AGMO: variants seen among roughly 807,000 people sequenced by gnomAD.
The protein encoded by AGMO is alkylglycerol monooxygenase, also known as glyceryl-ether monooxygenase.
AGMO carries 75 observed loss-of-function variants against 60.2 expected under a neutral mutation model. The observed-to-expected ratio is 1.25, with a 90% CI of 1.03 to 1.51. The LOEUF (loss-of-function observed/expected upper bound fraction) is 1.51, where lower values mean the gene tolerates loss of function less well. Among genes scored for constraint, AGMO ranks in the 40% most tolerant of loss-of-function variants. The pLI is 0.00. For synonymous variants in AGMO, 261 were observed against 177.1 expected (o/e 1.47, Z -3.76); for missense variants, 763 against 525.5 (o/e 1.45, Z -4.42).
intron 12 of AGMO, among the ~76,000 whole-genome samples, chr7:15,349,417 G>T (rs1247200581): frequency 6.6e-6 from 1 of 152,082 alleles, no homozygotes; most frequent in Non-Finnish European, 1.5e-5. Context: ...TTTATAGGTT[G>T]AAAGGGCATG....
the AGMO span, among the ~76,000 whole-genome samples, chr7:15,183,718 A>G: frequency 2.6e-5 from 4 of 152,228 alleles, no homozygotes; most frequent in Non-Finnish European, 4.4e-5. Context: ...GAGTTAAGAC[A>G]CATGATGAAT....
intron 3 of AGMO, among the ~76,000 whole-genome samples, chr7:15,472,254 T>G (rs1045660653): frequency 1.3e-5 from 2 of 151,876 alleles, no homozygotes; most frequent in African/African-American, 4.8e-5. Context: ...TCATAAAGAC[T>G]CATGCAATGG....
Position 15,548,133 on chromosome 7 carries a change from CAGAA to C in AGMO, c.258-3214_258-3211del, listed in dbSNP as rs1251982881. On this transcript the variant is annotated intron_variant, in intron 2 of 12. Transcript: ENST00000342526. ...GTCTGTTAGAAGGAAAACTAACAAA[CAGAA>C]AGGACATCCACATCAAAAACCCATC... 3.5e-4 allele frequency among the ~76,000 whole-genome samples: 53 copies of C among 152,188 alleles called. No individual in the cohort carries two copies. In the East Asian group the frequency reaches 0.01, roughly 29 times the overall value.
intron 10 of AGMO, among the ~76,000 whole-genome samples, chr7:15,368,779 A>G (rs552262471): frequency 6.8e-4 from 104 of 152,252 alleles, no homozygotes; most frequent in African/African-American, 2.0e-3. Flanking sequence ...CACAGATGAA[A>G]TAAGTACATG....
chr7:15,250,094 T>C (rs1339305746), intron 12 of AGMO, among the ~76,000 whole-genome samples: 8 of 152,210 alleles, frequency 5.3e-5, no homozygotes, highest in Admixed American at 5.2e-4. Context: ...AACAATTTAA[T>C]ATAATTGTGC....
chr7:15,214,109 GAGAC>G (rs1781669793), intron 12 of AGMO, among the ~76,000 whole-genome samples: 1 of 151,922 alleles, frequency 6.6e-6, no homozygotes, highest in Non-Finnish European at 1.5e-5. Flanking sequence ...AGGAGGGAGA[GAGAC>G]AGAGAGGAAG....
At chr7:15,369,966 T>C (rs1783137028) in intron 10 of AGMO, among the ~76,000 whole-genome samples, 1 of 152,190 alleles carries the variant, frequency 6.6e-6, no homozygotes, top group Admixed American at 6.6e-5. Flanking sequence ...TACATTAGTA[T>C]ATTGCCTGAT....
chr7:15,384,647 T>C (rs1783839770), intron 10 of AGMO, among the ~76,000 whole-genome samples: 2 of 152,078 alleles, frequency 1.3e-5, no homozygotes, highest in African/African-American at 2.4e-5. Context: ...GTGCTTACTT[T>C]ATTGGTAACA....
chr7:15,510,944 T>C (rs958346625), intron 3 of AGMO, among the ~76,000 whole-genome samples: 2 of 149,798 alleles, frequency 1.3e-5, no homozygotes, highest in Non-Finnish European at 3.0e-5. Flanking sequence ...TATTATATGA[T>C]AATATAAACA....
intron 3 of AGMO, among the ~76,000 whole-genome samples, chr7:15,483,230 A>C (rs1782808316): frequency 6.6e-6 from 1 of 152,220 alleles, no homozygotes; most frequent in Non-Finnish European, 1.5e-5. Flanking sequence ...TTATATTTAT[A>C]CAAACTAGTA....
chr7:15,550,007 G>A (rs1230517677), intron 2 of AGMO, among the ~76,000 whole-genome samples: 1 of 151,832 alleles, frequency 6.6e-6, no homozygotes, highest in Non-Finnish European at 1.5e-5. Flanking sequence ...TCAGGATTAA[G>A]AATCTCACTC....
intron 3 of AGMO, among the ~76,000 whole-genome samples, chr7:15,461,069 A>G (rs1227374094): frequency 2.0e-5 from 3 of 152,024 alleles, no homozygotes; most frequent in African/African-American, 7.2e-5. Flanking sequence ...AGGGCCCACT[A>G]TTGTTCAAAA....
intron 3 of AGMO, among the ~76,000 whole-genome samples, chr7:15,472,664 G>T (rs545203579): frequency 6.6e-6 from 1 of 152,038 alleles, no homozygotes; most frequent in East Asian, 1.9e-4. Context: ...ATACTTGTTT[G>T]ATGTTTTAAG....
chr7:15,267,243 CTT>C (rs142086337), intron 12 of AGMO, among the ~76,000 whole-genome samples: 16,332 of 151,794 alleles, frequency 0.11, 901 homozygotes, highest in East Asian at 0.19. Flanking sequence ...AGTGATTTCT[CTT>C]TGTTTCTCAG....
At chr7:15,392,218 G>C (rs557908218) in intron 6 of AGMO, among the ~76,000 whole-genome samples, 1 of 151,666 alleles carries the variant, frequency 6.6e-6, no homozygotes, top group Non-Finnish European at 1.5e-5. Context: ...CGCAGGTGCC[G>C]GCCACTATAC....
At chr7:15,212,056 T>C (rs1051804111) in intron 12 of AGMO, among the ~76,000 whole-genome samples, 4 of 151,970 alleles carry the variant, frequency 2.6e-5, no homozygotes, top group Admixed American at 2.6e-4. Flanking sequence ...TATTGTTCCA[T>C]ATCTTTGCTG....
At position 15,536,084 on chromosome 7, in the gene AGMO, A is replaced by C. The variant is rs527836804; in HGVS notation, c.409+8688T>G. On this transcript the variant is annotated intron_variant, in intron 3 of 12. Transcript: ENST00000342526. ...TAACAATATAAAAAACATGTATTCAATAACAGTGGTAATATTTAAATAGTA... is the reference window on the plus strand; with the variant it reads ...TAACAATATAAAAAACATGTATTCACTAACAGTGGTAATATTTAAATAGTA... 1.6e-3 allele frequency among the ~76,000 whole-genome samples: 248 copies of C among 152,092 alleles called. 1 individual carries two copies. The highest frequency in any genetic ancestry group is 5.4e-3 in the African/African-American group (223 of 41,550).
intron 12 of AGMO, among the ~76,000 whole-genome samples, chr7:15,208,932 T>A (rs1781507391): frequency 6.6e-6 from 1 of 152,212 alleles, no homozygotes; most frequent in Non-Finnish European, 1.5e-5. Context: ...CGACATTTAA[T>A]CTAAATTCAA....
At chr7:15,280,668 G>A (rs1026358253) in intron 12 of AGMO, among the ~76,000 whole-genome samples, 1 of 152,166 alleles carries the variant, frequency 6.6e-6, no homozygotes, top group African/African-American at 2.4e-5. Context: ...CCTCTTGGCT[G>A]GAGGCCAACC....
Sources: allele counts gnomAD v4.1 joint callset (sites outside exome capture counted in the v4.1 genomes callset), GRCh38; gene constraint gnomAD v4.1.1; transcripts MANE v1.5; gene names NCBI Gene and HGNC (gene_info 2026-07-23, HGNC 2026-07-21).